RGL1: variants seen among roughly 807,000 people sequenced by gnomAD.
RGL1 encodes ral guanine nucleotide dissociation stimulator-like 1.
RGL1 carries 24 observed loss-of-function variants against 95.2 expected under a neutral mutation model. The ratio of observed to expected loss-of-function variants is 0.25; its 90% CI spans 0.18 to 0.35. RGL1 has a LOEUF of 0.35. RGL1 is among the 10% of genes least tolerant of loss of function. The pLI, the probability that RGL1 is intolerant of heterozygous loss-of-function variation, is 1.00. For missense variants in RGL1, 715 were observed against 936.3 expected (o/e 0.76, Z 3.08); for synonymous variants, 329 against 344.9 (o/e 0.95, Z 0.51).
At chr1:183,840,060 T>C (rs75538424) in intron 2 of RGL1, among the ~76,000 whole-genome samples, 10,397 of 152,206 alleles carry the variant, frequency 0.068, 396 homozygotes, top group South Asian at 0.1. Context: ...TATGATCTAA[T>C]GGTAATAGAC....
In RGL1 at chr1:183,912,091, A is replaced by G. The variant is rs751584891; in HGVS notation, c.1572A>G (p.Leu524=). 6.0e-5 allele frequency: 97 copies of G among 1,613,286 alleles called. No homozygotes were observed. The highest frequency in any genetic ancestry group is 8.1e-5 in the Non-Finnish European group (96 of 1,179,724). The change falls in exon 15 of 18, where the codon CTA becomes CTG. Residue 524 remains leucine (L), a synonymous_variant. Transcript: ENST00000360851. ...SMVKRLSLLF[L]GSDMITSPTP... is the part of the protein sequence containing the mutation. ...TTCTGTTTTTTTCCAGACTGTTTCT[A>G]GGGTCTGACATGATCACCAGTCCCA...
chr1:183,856,247 C>CA (rs1033757003), intron 3 of RGL1, among the ~76,000 whole-genome samples: 4 of 151,090 alleles, frequency 2.6e-5, no homozygotes, highest in Admixed American at 1.3e-4. Context: ...ACTTCCTAGG[C>CA]AAAAAAACCC....
intron 1 of RGL1, among the ~76,000 whole-genome samples, chr1:183,714,371 G>C (rs1298412909): frequency 2.0e-5 from 3 of 152,120 alleles, no homozygotes; most frequent in Non-Finnish European, 4.4e-5. Context: ...GACTAATTTA[G>C]TATAAAAGAT....
intron 3 of RGL1, among the ~76,000 whole-genome samples, chr1:183,860,304 C>G (rs1427722740): frequency 6.6e-6 from 1 of 152,148 alleles, no homozygotes; most frequent in Admixed American, 6.5e-5. Flanking sequence ...ATTCATTGAG[C>G]AAATATTTAT....
At chr1:183,686,975 A>G (rs1653628958) in intron 1 of RGL1, among the ~76,000 whole-genome samples, 1 of 152,182 alleles carries the variant, frequency 6.6e-6, no homozygotes, top group Admixed American at 6.6e-5. Flanking sequence ...CAAACCTTGG[A>G]ATAACCTTTG....
At chr1:183,725,118 T>A (rs1656238879) in intron 1 of RGL1, among the ~76,000 whole-genome samples, 1 of 152,166 alleles carries the variant, frequency 6.6e-6, no homozygotes. Flanking sequence ...ATCAAGGCGG[T>A]ACCTCTATAA....
rs563301081 is a variant in RGL1 at position 183,726,665 on chromosome 1, C to G, written c.-32-15461C>G. Among the ~76,000 whole-genome samples the G allele has an allele frequency of 2.6e-5, 4 of 152,218 alleles. No individual in the cohort carries two copies. In the East Asian group the frequency reaches 7.7e-4, roughly 29 times the overall value. On this transcript the variant is annotated intron_variant, in intron 1 of 18. Transcript: ENST00000304685. ...AAATGTATAGGCCCAGATTTATTAC[C>G]TGGTCAATTCTATTACCGGGTCAGT...
chr1:183,707,393 A>G (rs1172569345), intron 1 of RGL1, among the ~76,000 whole-genome samples: 1 of 152,198 alleles, frequency 6.6e-6, no homozygotes, highest in Non-Finnish European at 1.5e-5. Flanking sequence ...GAGAGAGATC[A>G]GTGAGGGGGA....
chr1:183,913,182 C>CTTTTTTTTTTTTTTTT (rs537751695), intron 15 of RGL1, among the ~76,000 whole-genome samples: 1 of 68,246 alleles, frequency 1.5e-5, no homozygotes, highest in African/African-American at 6.3e-5. Context: ...GACCAGTCTT[C>CTTTTTTTTTTTTTTTT]TTTTTTTTTT....
intron 2 of RGL1, among the ~76,000 whole-genome samples, chr1:183,833,848 T>C (rs557095969): frequency 6.6e-6 from 1 of 152,158 alleles, no homozygotes; most frequent in Non-Finnish European, 1.5e-5. Flanking sequence ...ATTCGGTTAA[T>C]GGCCCTACCT....
At chr1:183,751,219 C>T (rs947627441) in intron 2 of RGL1, among the ~76,000 whole-genome samples, 6 of 152,220 alleles carry the variant, frequency 3.9e-5, no homozygotes, top group African/African-American at 1.4e-4. Flanking sequence ...TTCTATACAC[C>T]CCTGACTGGG....
chr1:183,815,340 G>A (rs1435072189), intron 2 of RGL1, among the ~76,000 whole-genome samples: 1 of 152,092 alleles, frequency 6.6e-6, no homozygotes, highest in African/African-American at 2.4e-5. Flanking sequence ...CTCCTAAATA[G>A]AAAACTGAGG....
At chr1:183,831,730 C>A (rs1290189112) in intron 2 of RGL1, among the ~76,000 whole-genome samples, 1 of 152,150 alleles carries the variant, frequency 6.6e-6, no homozygotes, top group African/African-American at 2.4e-5. Flanking sequence ...AGAAACATAT[C>A]CATTTAATTA....
intron 15 of RGL1, among the ~76,000 whole-genome samples, chr1:183,914,941 C>A (rs1413812880): frequency 3.3e-5 from 5 of 152,188 alleles, no homozygotes; most frequent in Non-Finnish European, 5.9e-5. Flanking sequence ...ACTTATCTAT[C>A]ATCAGTTAGT....
intron 2 of RGL1, among the ~76,000 whole-genome samples, chr1:183,815,079 C>T (rs1292694869): frequency 6.6e-6 from 1 of 152,126 alleles, no homozygotes; most frequent in Non-Finnish European, 1.5e-5. Context: ...CAAGACCAGC[C>T]TGGCCAACAT....
Position 183,867,982 on chromosome 1 carries a change from C to T in RGL1, c.425+1909C>T, listed in dbSNP as rs920467415. ...CAGTGGATCATAACTTTCCAGAAAA[C>T]CAGACATACCAGTGTAGGTATTTGA... On this transcript the variant is annotated intron_variant, in intron 4 of 17. Transcript: ENST00000360851. Among the ~76,000 whole-genome samples the T allele has an allele frequency of 2.6e-5, 4 of 152,250 alleles. No homozygotes were observed. The Middle Eastern group carries it at 0.01, about 388-fold the overall frequency.
chr1:183,812,453 C>G (rs545599072), intron 2 of RGL1, among the ~76,000 whole-genome samples: 12 of 152,314 alleles, frequency 7.9e-5, no homozygotes, highest in African/African-American at 2.4e-4. Flanking sequence ...GCATTTGAGC[C>G]TGCTAAACTC....
intron 12 of RGL1, among the ~76,000 whole-genome samples, chr1:183,904,356 C>T (rs1159113388): frequency 6.6e-6 from 1 of 152,104 alleles, no homozygotes. Context: ...CCTACCAAAA[C>T]TTATTTATTG....
At chr1:183,829,624 C>G (rs1457851028) in intron 2 of RGL1, among the ~76,000 whole-genome samples, 3 of 152,218 alleles carry the variant, frequency 2.0e-5, no homozygotes, top group East Asian at 3.9e-4. Context: ...TAATACCCAC[C>G]TGCTTAAAAC....
Sources: gnomAD v4.1 joint callset for allele counts (sites outside exome capture counted in the v4.1 genomes callset) on GRCh38, gnomAD v4.1.1 for gene constraint, MANE v1.5 for transcripts, NCBI Gene and HGNC (gene_info 2026-07-23, HGNC 2026-07-21) for gene names.